Variants in HECA observed in about 807,000 individuals in gnomAD.
HECA encodes HECA ribonucleoprotein granule regulator, also known as headcase protein homolog.
HECA carries 13 observed loss-of-function variants against 37.6 expected under a neutral mutation model. The ratio of observed to expected loss-of-function variants is 0.35; its 90% CI spans 0.23 to 0.55. HECA has a LOEUF of 0.55. HECA is among the 20% of genes least tolerant of loss of function. The pLI is 0.90. For synonymous variants in HECA, 307 were observed against 291.5 expected, an observed-to-expected ratio of 1.05 and a Z score of -0.54; for missense variants, 527 against 701.9, an observed-to-expected ratio of 0.75 and a Z score of 2.82.
rs1007354550 is a variant in HECA, at chr6:139,176,767, A to C, written c.1468-174A>C. Among the ~76,000 whole-genome samples, 3 of 152,172 alleles carry C rather than the reference A, an allele frequency of 2.0e-5. No homozygotes were observed. Among genetic ancestry groups the C allele is most frequent in the Admixed American group, 2.0e-4 (3 of 15,268 alleles). ...TAGGTGAAACAGCTAGCAGTGCTGC[A>C]TATCAGGAGAGAAGTTGGGAGTCTT... is the stretch of plus-strand genomic sequence containing the variant. On this transcript the variant is annotated intron_variant, in intron 3 of 3. Transcript: ENST00000367658. This position sits in a 1 kb window ranked among gnomAD's most constrained non-coding sequence, Gnocchi z 4.5.
Position 139,168,025 on chromosome 6 carries a change from A to G in HECA, c.1312+701A>G, listed in dbSNP as rs1349297087. On this transcript the variant is annotated intron_variant, in intron 2 of 3. Transcript: ENST00000367658. ...ATCACATATAACATGTTTACACTTT[A>G]AATGTGTGCTAAAAAGCTTGTTGTG... is the stretch of plus-strand genomic sequence containing the variant. 4.6e-5 allele frequency among the ~76,000 whole-genome samples: 7 copies of G among 152,218 alleles called. No homozygotes were observed. In the South Asian group the frequency reaches 6.2e-4, roughly 14 times the overall value.
chr6:139,153,203 TAATCAATC>T (rs72057080), intron 1 of HECA: 1 of 151,498 alleles, frequency 6.6e-6, no homozygotes, highest in Non-Finnish European at 1.5e-5. Flanking sequence ...CTGAAGGTAT[TAATCAATC>T]AAACTTTTTT....
intron 2 of HECA, among the ~76,000 whole-genome samples, chr6:139,173,748 A>AGG (rs1775009271): frequency 2.0e-5 from 3 of 152,184 alleles, no homozygotes; most frequent in African/African-American, 7.2e-5. Context: ...CAAATAATGG[A>AGG]GGGGGATCAT....
intron 1 of HECA, chr6:139,153,311 AG>A (rs1774674555): frequency 6.6e-6 from 1 of 152,218 alleles, no homozygotes; most frequent in Non-Finnish European, 1.5e-5. Context: ...AGACTTAAAT[AG>A]ATGCTGAGGA....
chr6:139,135,491 C>G lies in HECA; in HGVS notation c.95C>G (p.Ala32Gly). The G allele has an allele frequency of 1.7e-6, 2 of 1,158,996 alleles. No homozygotes were observed. The highest frequency in any genetic ancestry group is 5.7e-5 in the East Asian group (1 of 17,656). The allele number at this position is 1,158,996 out of a possible 1,614,324, so 71.8% of individuals were successfully genotyped here. A position where few individuals can be genotyped will look rare whatever the true frequency, so the allele number is the denominator to read the frequency against. Reference protein sequence around the residue: ...EQENGAGALAAAGAAGAAAGG... With the variant: ...EQENGAGALAGAGAAGAAAGG... ...GAAAATGGAGCCGGGGCCCTGGCAGCGGCGGGCGCGGCGGGAGCGGCGGCC... is the reference window on the plus strand; with the variant it reads ...GAAAATGGAGCCGGGGCCCTGGCAGGGGCGGGCGCGGCGGGAGCGGCGGCC... Residue 32 changes from alanine (A) to glycine (G), a missense_variant, in exon 1 of 4, where the codon GCG (alanine) becomes GGG (glycine). By Grantham distance (60) the Ala-to-Gly change is moderately conservative (BLOSUM62 0). Around this residue, in one of 4 missense-constraint regions of HECA, gnomAD observed 172 missense variants for 197.6 expected, o/e 0.87. Coordinates refer to ENST00000367658, the MANE Select transcript of HECA (RefSeq NM_016217.3).
At chr6:139,143,912 A>G (rs1205469389) in intron 1 of HECA, among the ~76,000 whole-genome samples, 4 of 152,158 alleles carry the variant, frequency 2.6e-5, no homozygotes, top group South Asian at 4.1e-4. Flanking sequence ...TATTCCATGT[A>G]TTAAACAAGG....
intron 2 of HECA, among the ~76,000 whole-genome samples, chr6:139,170,779 GT>G (rs1266582767): frequency 6.6e-6 from 1 of 152,030 alleles, no homozygotes; most frequent in Non-Finnish European, 1.5e-5. Flanking sequence ...GATTTTCAGT[GT>G]TTTTTTAAAG....
At position 139,176,555 on chromosome 6, in the gene HECA, A is replaced by T. The variant is rs978365935; in HGVS notation, c.1468-386A>T. 2.0e-5 allele frequency among the ~76,000 whole-genome samples: 3 copies of T among 152,168 alleles called. No homozygotes were observed. The highest frequency in any genetic ancestry group is 7.2e-5 in the African/African-American group (3 of 41,434). On this transcript the variant is annotated intron_variant, in intron 3 of 3. Coordinates refer to ENST00000367658, the MANE Select transcript of HECA (RefSeq NM_016217.3). The surrounding 1 kb of genome is among the most constrained non-coding windows in gnomAD (Gnocchi z 4.5). The stretch of plus-strand genomic sequence containing the variant: ...CTTGGGAAATTTTATTTTTACATCA[A>T]AGAAAACGCAACTTTTCTATAGAGT...
chr6:139,150,115 G>A (rs1213071969), intron 1 of HECA, among the ~76,000 whole-genome samples: 3 of 152,170 alleles, frequency 2.0e-5, no homozygotes, highest in Non-Finnish European at 2.9e-5. Flanking sequence ...AAGTTTGCAT[G>A]TTGTTGTAAA....
chr6:139,162,981 GGA>G (rs1487122958), intron 1 of HECA, among the ~76,000 whole-genome samples: 1 of 152,160 alleles, frequency 6.6e-6, no homozygotes, highest in Admixed American at 6.5e-5. Flanking sequence ...AGAGTTTCCT[GGA>G]GTCTCCCTGT....
chr6:139,158,750 A>T (rs1774753898), intron 1 of HECA, among the ~76,000 whole-genome samples: 1 of 151,602 alleles, frequency 6.6e-6, no homozygotes, highest in African/African-American at 2.4e-5. Flanking sequence ...TTCATTCCTC[A>T]TGGCAACCCT....
intron 2 of HECA, among the ~76,000 whole-genome samples, chr6:139,168,617 A>C (rs1774929008): frequency 6.6e-6 from 1 of 151,950 alleles, no homozygotes; most frequent in Non-Finnish European, 1.5e-5. Context: ...CTGGTGTACC[A>C]CATAGCTGTC....
intron 1 of HECA, among the ~76,000 whole-genome samples, chr6:139,164,220 C>G (rs745852900): frequency 9.2e-5 from 14 of 152,180 alleles, no homozygotes; most frequent in Non-Finnish European, 1.8e-4. Flanking sequence ...GGGGAGCTTT[C>G]TAGAGCAGAA....
intron 1 of HECA, among the ~76,000 whole-genome samples, chr6:139,136,278 A>G (rs1436413767): frequency 1.3e-5 from 2 of 150,644 alleles, no homozygotes; most frequent in Admixed American, 6.6e-5. Context: ...AAAAAAAAAA[A>G]AAAAAAAAGA....
chr6:139,135,774 G>T (rs1774426799), intron 1 of HECA, 107 bp downstream of exon 1: 2 of 387,390 alleles, frequency 5.2e-6, no homozygotes, highest in East Asian at 1.5e-4. Flanking sequence ...CGAGAGTCAG[G>T]AAGTGCTCAC....
In HECA at chr6:139,177,172, G is replaced by A. The variant is rs1209078231; in HGVS notation, c.*67G>A. 7 of 687,258 alleles carry A rather than the reference G, an allele frequency of 1.0e-5. No homozygotes were observed. The East Asian group carries it at 1.9e-4, about 19-fold the overall frequency. 42.6% of individuals were successfully genotyped at this position (687,258 alleles called of 1,614,324 possible). A position where few individuals can be genotyped will look rare whatever the true frequency, so the allele number is the denominator to read the frequency against. ...TACTTTATTACATATCTTTTATAGG[G>A]AAACATTCTGTGACATTAATTTCCT... On this transcript the variant is annotated 3_prime_UTR_variant, in exon 4 of 4. Coordinates refer to ENST00000367658, the MANE Select transcript of HECA (RefSeq NM_016217.3). The surrounding 1 kb of genome is among the most constrained non-coding windows in gnomAD (Gnocchi z 4.9).
At chr6:139,147,918 T>C (rs1774605297) in intron 1 of HECA, among the ~76,000 whole-genome samples, 1 of 152,216 alleles carries the variant, frequency 6.6e-6, no homozygotes, top group Non-Finnish European at 1.5e-5. Context: ...GGTTTGCCAG[T>C]TTACACCATC....
chr6:139,148,696 G>GC (rs1225021494), intron 1 of HECA, among the ~76,000 whole-genome samples: 2 of 152,044 alleles, frequency 1.3e-5, no homozygotes, highest in African/African-American at 4.8e-5. Context: ...AACCTGGGAG[G>GC]CAGAGGTTGC....
chr6:139,149,581 G>A (rs1264223113), intron 1 of HECA, among the ~76,000 whole-genome samples: 1 of 152,220 alleles, frequency 6.6e-6, no homozygotes, highest in Non-Finnish European at 1.5e-5. Context: ...CCCCCAGGGA[G>A]TTTGCAGTGA....
Sources: gnomAD v4.1 joint callset for allele counts (sites outside exome capture counted in the v4.1 genomes callset) on GRCh38, gnomAD v4.1.1 for gene constraint, gnomAD v4.1.1 regional missense constraint, Gnocchi (gnomAD v3.1) non-coding constraint, MANE v1.5 for transcripts, NCBI Gene and HGNC (gene_info 2026-07-23, HGNC 2026-07-21) for gene names.